Variants in CDC7 observed in about 807,000 individuals in gnomAD.
CDC7 encodes the protein cell division cycle 7.
CDC7 carries 34 observed loss-of-function variants against 53.5 expected under a neutral mutation model. The ratio of observed to expected loss-of-function variants is 0.64; its 90% CI spans 0.48 to 0.85. The LOEUF is 0.85. Among genes scored for constraint, CDC7 ranks in the 40% least tolerant of loss-of-function variants. The pLI is 0.00. For missense variants in CDC7, 594 were observed against 679.7 expected, an observed-to-expected ratio of 0.87 and a Z score of 1.40; for synonymous variants, 211 against 222.8, an observed-to-expected ratio of 0.95 and a Z score of 0.47.
In CDC7 at chr1:91,521,596, G is replaced by T. The variant is rs185634559; in HGVS notation, c.1330+1317G>T. ...AAGCAAGATTGATATCTTAGAAATG[G>T]CATTCTTACATAATAATATAACAAG... On this transcript the variant is annotated intron_variant, in intron 11 of 11. Coordinates refer to ENST00000234626, the MANE Select transcript of CDC7 (RefSeq NM_003503.4). Among the ~76,000 whole-genome samples the T allele has an allele frequency of 1.0e-3, 159 of 152,262 alleles. 1 individual carries two copies. The highest frequency in any genetic ancestry group is 3.7e-3 in the African/African-American group (154 of 41,542).
rs1489743119 is a variant in CDC7, at chr1:91,507,900, T to C, written c.162T>C (p.Leu54=). ...IEKLYEAVPQ[L]SNVFKIEDKI... is the part of the protein sequence containing the mutation. ...AGCTTTATGAAGCTGTACCACAGCTTAGTAATGTGTTTAAGATTGAGGACA... is the reference window on the plus strand; with the variant it reads ...AGCTTTATGAAGCTGTACCACAGCTCAGTAATGTGTTTAAGATTGAGGACA... Residue 54 remains leucine, a synonymous_variant, in exon 3 of 12, where the codon CTT becomes CTC. Coordinates refer to ENST00000234626, the MANE Select transcript of CDC7 (RefSeq NM_003503.4). 1.3e-6 allele frequency: 2 copies of C among 1,526,048 alleles called. No homozygotes were observed. Among genetic ancestry groups the C allele is most frequent in the Admixed American group, 1.9e-5 (1 of 53,476 alleles). 94.5% of individuals were successfully genotyped at this position (1,526,048 alleles called of 1,614,324 possible).
At chr1:91,514,596 T>A (rs1667461553) in intron 8 of CDC7, among the ~76,000 whole-genome samples, 1 of 152,178 alleles carries the variant, frequency 6.6e-6, no homozygotes, top group African/African-American at 2.4e-5. Context: ...AACTCAAATA[T>A]TGGCCAAGCT....
chr1:91,505,558 C>T (rs1422619629), intron 2 of CDC7, among the ~76,000 whole-genome samples: 1 of 152,120 alleles, frequency 6.6e-6, no homozygotes, highest in Non-Finnish European at 1.5e-5. Flanking sequence ...GAAGCCTAGA[C>T]CTTCATGTAT....
Position 91,511,639 on chromosome 1 carries a change from G to T in CDC7, c.378G>T (p.Lys126Asn), listed in dbSNP as rs745789199. Residue 126 changes from lysine (K) to asparagine (N), a missense_variant, in exon 5 of 12, where the codon AAG (lysine) becomes AAT (asparagine). Lys to Asn is a moderately conservative substitution (Grantham distance 94). Transcript: ENST00000234626. ...NVMGVKYCFR[K>N]NDHVVIAMPY... ...TGGGAGTTAAATACTGCTTTAGGAA[G>T]AATGATCATGTAGTTATTGCTATGC... The T allele has an allele frequency of 2.5e-6, 4 of 1,611,266 alleles. No individual in the cohort carries two copies. In the Admixed American group the frequency reaches 6.7e-5, roughly 27 times the overall value.
intron 1 of CDC7, 70 bp downstream of exon 1, chr1:91,501,018 T>G (rs1188292382): frequency 6.6e-6 from 1 of 152,272 alleles, no homozygotes; most frequent in African/African-American, 2.4e-5. Context: ...GGATCGTGAC[T>G]TCGGTTTTCT....
intron 8 of CDC7, among the ~76,000 whole-genome samples, chr1:91,514,402 C>T (rs1667447047): frequency 6.6e-6 from 1 of 152,148 alleles, no homozygotes; most frequent in African/African-American, 2.4e-5. Context: ...AAATCATCAT[C>T]AATGTAGATG....
intron 3 of CDC7, 114 bp downstream of exon 3, chr1:91,508,051 G>T: frequency 1.1e-6 from 1 of 882,954 alleles, no homozygotes; most frequent in Non-Finnish European, 1.7e-6. Flanking sequence ...CCACTTTTTA[G>T]ACTATTAAGA....
intron 4 of CDC7, among the ~76,000 whole-genome samples, chr1:91,510,210 C>A (rs1467529480): frequency 6.7e-6 from 1 of 148,700 alleles, no homozygotes; most frequent in African/African-American, 2.5e-5. Flanking sequence ...CAAAACAAGA[C>A]CCTGCCTCTG....
At chr1:91,519,412 G>C (rs1667790561) in intron 10 of CDC7, among the ~76,000 whole-genome samples, 1 of 152,094 alleles carries the variant, frequency 6.6e-6, no homozygotes, top group African/African-American at 2.4e-5. Context: ...CTGGGCCACA[G>C]AGGGAGACCT....
chr1:91,504,307 A>G lies in CDC7; in HGVS notation c.115+2476A>G, dbSNP rs185754705. Among the ~76,000 whole-genome samples, 70 of 152,150 alleles carry G rather than the reference A, an allele frequency of 4.6e-4. 1 individual carries two copies. Among genetic ancestry groups the G allele is most frequent in the South Asian group, 3.3e-3 (16 of 4,818 alleles). ...TTTTTTTTAGAAACAGGATCTTGCT[A>G]TGTTGCCCAGGCTGGTCTCAAACTC... On this transcript the variant is annotated intron_variant, in intron 2 of 11. Transcript: ENST00000234626.
chr1:91,508,246 A>T lies in CDC7; in HGVS notation c.200-16A>T, dbSNP rs755708401. On this transcript the variant is annotated splice_polypyrimidine_tract_variant and intron_variant, in intron 3 of 11. Transcript: ENST00000234626. ...TAAAAACCAGATATTGAAAAATTTA[A>T]TAAATTGTTTTACAGGCACTTTCAG... The T allele has an allele frequency of 6.4e-7, 1 of 1,566,368 alleles. No individual in the cohort carries two copies. Among genetic ancestry groups the T allele is most frequent in the Non-Finnish European group, 8.6e-7 (1 of 1,161,442 alleles).
intron 10 of CDC7, among the ~76,000 whole-genome samples, chr1:91,518,729 C>T (rs998228009): frequency 3.3e-5 from 5 of 151,940 alleles, no homozygotes; most frequent in Admixed American, 6.6e-5. Flanking sequence ...TTACCAGAGG[C>T]TGAGAAGGGT....
chr1:91,501,655 T>C lies in CDC7; in HGVS notation c.-62T>C. On this transcript the variant is annotated splice_region_variant and 5_prime_UTR_variant, in exon 2 of 12. Coordinates refer to ENST00000234626, the MANE Select transcript of CDC7 (RefSeq NM_003503.4). ...TCTCTAGTGTTCTAATTTTCACAGCTGCTTTGCTCCCCCTGTGGATGTAAC... is the reference window on the plus strand; with the variant it reads ...TCTCTAGTGTTCTAATTTTCACAGCCGCTTTGCTCCCCCTGTGGATGTAAC... 1 of 1,162,770 alleles carries C rather than the reference T, an allele frequency of 8.6e-7. No individual in the cohort carries two copies. The allele number at this position is 1,162,770 out of a possible 1,614,324, so 72.0% of individuals were successfully genotyped here. A position where few individuals can be genotyped will look rare whatever the true frequency, so the allele number is the denominator to read the frequency against.
Position 91,520,138 on chromosome 1 carries a change from A to G in CDC7, c.1189A>G (p.Met397Val), listed in dbSNP as rs748380730. 1 of 1,564,866 alleles carries G rather than the reference A, an allele frequency of 6.4e-7. No individual in the cohort carries two copies. Among genetic ancestry groups the G allele is most frequent in the Non-Finnish European group, 8.6e-7 (1 of 1,160,490 alleles). The change falls in exon 11 of 12, where the codon ATG becomes GTG. Residue 397 changes from methionine to valine, a missense_variant. Met to Val is a conservative substitution (Grantham distance 21). Coordinates refer to ENST00000234626, the MANE Select transcript of CDC7 (RefSeq NM_003503.4). ...TTTGTCTTCTGTTGCAGCAATTGACATGTGGTCTGCAGGTGTCATATTTCT... is the reference window on the plus strand; with the variant it reads ...TTTGTCTTCTGTTGCAGCAATTGACGTGTGGTCTGCAGGTGTCATATTTCT... Reference protein sequence around the residue: ...KCPNQTTAIDMWSAGVIFLSL... With the variant: ...KCPNQTTAIDVWSAGVIFLSL...
At chr1:91,510,070 C>T (rs1386225236) in intron 4 of CDC7, among the ~76,000 whole-genome samples, 2 of 152,040 alleles carry the variant, frequency 1.3e-5, no homozygotes, top group Non-Finnish European at 2.9e-5. Context: ...TAAAAATTAT[C>T]CAGGCAAGGT....
In CDC7 at chr1:91,524,206, G is replaced by T. The variant is rs1404679242; in HGVS notation, c.1496G>T (p.Cys499Phe). Residue 499 changes from cysteine (C) to phenylalanine (F), a missense_variant, in exon 12 of 12, where the codon TGC (cysteine) becomes TTC (phenylalanine). Coordinates refer to ENST00000234626, the MANE Select transcript of CDC7 (RefSeq NM_003503.4). ...GAGAAGACTGACCATAAAGCTTCTT[G>T]CCTCGTTCAAACACCTCCAGGACAA... ...ISEKTDHKAS[C>F]LVQTPPGQYS... The T allele has an allele frequency of 3.0e-5, 49 of 1,613,974 alleles. No homozygotes were observed. The highest frequency in any genetic ancestry group is 4.2e-5 in the Non-Finnish European group (49 of 1,179,936).
rs1667477520 is a variant in CDC7, at chr1:91,514,889, CA to C, written c.993del (p.Val332LeufsTer2). ...KLATKKKAIS[T>X]KVMNSAVMRK... Reference sequence around the variant, plus strand: ...GCAACAAAAAAGAAGGCTATTTCTACAAAAGTTATGAATAGTGCTGTGATGA... The same window carrying C: ...GCAACAAAAAAGAAGGCTATTTCTACAAAGTTATGAATAGTGCTGTGATGA... On this transcript the variant is annotated frameshift_variant, in exon 9 of 12. Coordinates refer to ENST00000234626, the MANE Select transcript of CDC7 (RefSeq NM_003503.4). LOFTEE classifies it high-confidence loss of function. 4 of 1,613,210 alleles carry C rather than the reference CA, an allele frequency of 2.5e-6. No individual in the cohort carries two copies. Among genetic ancestry groups the C allele is most frequent in the Non-Finnish European group, 3.4e-6 (4 of 1,179,404 alleles).
At chr1:91,509,515 T>C (rs1034449868) in intron 4 of CDC7, among the ~76,000 whole-genome samples, 3 of 152,132 alleles carry the variant, frequency 2.0e-5, no homozygotes, top group Non-Finnish European at 1.5e-5. Context: ...AATCACTAAG[T>C]CCTAGCCATT....
At chr1:91,507,829 C>G in intron 2 of CDC7, 25 bp from the exon 3 acceptor site, 1 of 1,234,446 alleles carries the variant, frequency 8.1e-7, no homozygotes, top group Non-Finnish European at 1.2e-6. Context: ...TTGATTAAAA[C>G]TCTAAATTTT....
Sources: allele counts gnomAD v4.1 joint callset (sites outside exome capture counted in the v4.1 genomes callset), GRCh38; gene constraint gnomAD v4.1.1; transcripts MANE v1.5; gene names NCBI Gene and HGNC (gene_info 2026-07-23, HGNC 2026-07-21).